Variants in KIAA1328 observed in about 807,000 individuals in gnomAD.
KIAA1328 encodes the protein protein hinderin.
Under a neutral mutation model 68.1 loss-of-function variants are expected in KIAA1328, and 52 were observed. The ratio of observed to expected loss-of-function variants is 0.76; its 90% CI spans 0.61 to 0.96. The LOEUF (loss-of-function observed/expected upper bound fraction) is 0.96, where lower values mean the gene tolerates loss of function less well. Ranked by LOEUF, KIAA1328 falls within the 40% of genes least tolerant of loss-of-function variation. The pLI is 0.00. For synonymous variants in KIAA1328, 232 were observed against 239.4 expected (o/e 0.97, Z 0.28); for missense variants, 641 against 677.6 (o/e 0.95, Z 0.60).
At chr18:37,140,935 A>C (rs531077758) in intron 7 of KIAA1328, among the ~76,000 whole-genome samples, 1 of 152,282 alleles carries the variant, frequency 6.6e-6, no homozygotes, top group South Asian at 2.1e-4. Flanking sequence ...TGAATGGTTC[A>C]AAGTACCTGG....
At chr18:37,120,959 G>C (rs143876424) in intron 7 of KIAA1328, among the ~76,000 whole-genome samples, 3 of 152,120 alleles carry the variant, frequency 2.0e-5, no homozygotes, top group Non-Finnish European at 4.4e-5. Context: ...CAAAAGCACT[G>C]CCAGGTAAGT....
intron 7 of KIAA1328, among the ~76,000 whole-genome samples, chr18:37,141,370 T>A (rs1453630894): frequency 6.6e-6 from 1 of 152,218 alleles, no homozygotes. Context: ...TCTGATACCT[T>A]TTACTCACCA....
intron 6 of KIAA1328, among the ~76,000 whole-genome samples, chr18:36,999,105 G>A (rs1222340699): frequency 6.6e-6 from 1 of 152,100 alleles, no homozygotes; most frequent in Admixed American, 6.6e-5. Context: ...AGAAATTCTG[G>A]AACTAAAGAA....
chr18:36,903,825 T>C (rs2049121159), intron 5 of KIAA1328: 1 of 152,156 alleles, frequency 6.6e-6, no homozygotes, highest in African/African-American at 2.4e-5. Context: ...TCTTTACTCT[T>C]TTTCCTCCCA....
chr18:37,087,126 C>T (rs1308083463), intron 7 of KIAA1328, among the ~76,000 whole-genome samples: 1 of 152,174 alleles, frequency 6.6e-6, no homozygotes, highest in African/African-American at 2.4e-5. Flanking sequence ...GCGGCACAAT[C>T]ACAGCTCATT....
chr18:36,876,571 C>G (rs1244965102), intron 4 of KIAA1328, among the ~76,000 whole-genome samples: 1 of 151,988 alleles, frequency 6.6e-6, no homozygotes, highest in Non-Finnish European at 1.5e-5. Flanking sequence ...CTCTTTTCTT[C>G]TTTATTAGTC....
intron 9 of KIAA1328, among the ~76,000 whole-genome samples, chr18:37,210,314 G>A (rs1263339572): frequency 2.0e-5 from 3 of 152,148 alleles, no homozygotes; most frequent in Non-Finnish European, 4.4e-5. Flanking sequence ...AGAGCTCTAG[G>A]AAGACAGAAT....
intron 5 of KIAA1328, among the ~76,000 whole-genome samples, chr18:36,921,649 C>T (rs1374277621): frequency 3.3e-5 from 5 of 152,124 alleles, no homozygotes; most frequent in African/African-American, 1.2e-4. Context: ...CGTGATCCAC[C>T]CACCTCAGCC....
intron 7 of KIAA1328, among the ~76,000 whole-genome samples, chr18:37,113,527 A>G (rs1157717009): frequency 6.6e-6 from 1 of 152,242 alleles, no homozygotes; most frequent in Non-Finnish European, 1.5e-5. Flanking sequence ...GTGGAAAGGA[A>G]CAACTGGTAC....
chr18:37,122,550 T>C (rs1049239235), intron 7 of KIAA1328, among the ~76,000 whole-genome samples: 8 of 152,142 alleles, frequency 5.3e-5, no homozygotes, highest in African/African-American at 1.9e-4. Context: ...CCCAGTGATA[T>C]AGGACCTAGA....
chr18:37,030,880 T>C (rs1477756845), intron 6 of KIAA1328, among the ~76,000 whole-genome samples: 1 of 151,772 alleles, frequency 6.6e-6, no homozygotes, highest in Non-Finnish European at 1.5e-5. Flanking sequence ...CCCCGCCCTG[T>C]GTCCAAGTCT....
intron 9 of KIAA1328, among the ~76,000 whole-genome samples, chr18:37,191,826 A>G (rs1291107606): frequency 6.6e-6 from 1 of 152,132 alleles, no homozygotes; most frequent in African/African-American, 2.4e-5. Flanking sequence ...TCTGGGAGCC[A>G]TCTATACTTA....
At chr18:36,881,089 A>G (rs1191127622) in intron 4 of KIAA1328, among the ~76,000 whole-genome samples, 2 of 151,312 alleles carry the variant, frequency 1.3e-5, no homozygotes, top group East Asian at 1.9e-4. Context: ...TAAAATGAGT[A>G]TCTATGAACT....
chr18:36,846,730 T>C (rs1226159523), intron 4 of KIAA1328, among the ~76,000 whole-genome samples: 3 of 151,598 alleles, frequency 2.0e-5, no homozygotes, highest in Non-Finnish European at 4.4e-5. Context: ...TATACTCTTT[T>C]ACTGTCTTTT....
At chr18:37,054,305 A>G (rs768624283) in intron 6 of KIAA1328, among the ~76,000 whole-genome samples, 9 of 152,186 alleles carry the variant, frequency 5.9e-5, no homozygotes, top group Non-Finnish European at 1.0e-4. Flanking sequence ...CAGTCTCACT[A>G]CTAGATATCT....
chr18:36,885,767 C>T (rs1260519045), intron 5 of KIAA1328, 95 bp downstream of exon 5: 7 of 775,936 alleles, frequency 9.0e-6, no homozygotes, highest in Non-Finnish European at 1.5e-5. Context: ...GCCTAGGCTG[C>T]AGTGCAATGG....
intron 6 of KIAA1328, among the ~76,000 whole-genome samples, chr18:37,011,166 GAT>G (rs2053966883): frequency 6.6e-6 from 1 of 152,058 alleles, no homozygotes; most frequent in Non-Finnish European, 1.5e-5. Context: ...GTTAGTAAAA[GAT>G]ATAGATTCTG....
chr18:37,214,907 G>C (rs964743102), intron 9 of KIAA1328, among the ~76,000 whole-genome samples: 6 of 152,120 alleles, frequency 3.9e-5, no homozygotes, highest in African/African-American at 1.4e-4. Flanking sequence ...TATTCTCTTT[G>C]TAGCAATTGT....
intron 7 of KIAA1328, among the ~76,000 whole-genome samples, chr18:37,094,519 A>T (rs1599240873): frequency 6.6e-6 from 1 of 152,222 alleles, no homozygotes; most frequent in Non-Finnish European, 1.5e-5. Context: ...GTGAAAGGTC[A>T]GTGTCTACCA....
Sources: allele counts gnomAD v4.1 joint callset (sites outside exome capture counted in the v4.1 genomes callset), GRCh38; gene constraint gnomAD v4.1.1; transcripts MANE v1.5; gene names NCBI Gene and HGNC (gene_info 2026-07-23, HGNC 2026-07-21).